Variants in NSD1 observed in about 807,000 individuals in gnomAD.
NSD1 encodes nuclear receptor binding SET domain protein 1, also known as histone-lysine N-methyltransferase, H3 lysine-36 specific.
A neutral mutation model predicts 242.7 loss-of-function variants in NSD1; 26 were observed. The observed-to-expected ratio is 0.11, with a 90% CI of 0.08 to 0.15. The LOEUF (loss-of-function observed/expected upper bound fraction) is 0.15, where lower values mean the gene tolerates loss of function less well. NSD1 is among the 10% of genes least tolerant of loss of function. The pLI is 1.00. For missense variants in NSD1, 2,495 were observed against 3,272.8 expected, an observed-to-expected ratio of 0.76 and a Z score of 5.80; for synonymous variants, 1,106 against 1,178.1, an observed-to-expected ratio of 0.94 and a Z score of 1.25.
At chr5:177,213,492 G>A (rs1336734008) in intron 5 of NSD1, among the ~76,000 whole-genome samples, 1 of 152,228 alleles carries the variant, frequency 6.6e-6, no homozygotes. Flanking sequence ...TCTTGAGACG[G>A]AGTCTCGCTC....
chr5:177,208,604 T>C (rs1334209865), intron 4 of NSD1, among the ~76,000 whole-genome samples: 2 of 151,642 alleles, frequency 1.3e-5, no homozygotes, highest in Non-Finnish European at 2.9e-5. Flanking sequence ...CTCAGCTCAC[T>C]GGAGCCTCCA....
At chr5:177,220,563 CTTTTTTTT>C (rs869220346) in intron 5 of NSD1, among the ~76,000 whole-genome samples, 11 of 84,354 alleles carry the variant, frequency 1.3e-4, no homozygotes, top group African/African-American at 2.8e-4. Context: ...ATAGTAATTG[CTTTTTTTT>C]TTTTTTTTTT....
At position 177,134,972 on chromosome 5, in the gene NSD1, T is replaced by C. The variant is rs936491167; in HGVS notation, c.-17-115T>C. 1.1e-6 allele frequency: 1 copy of C among 892,636 alleles called. No individual in the cohort carries two copies. The allele number at this position is 892,636 out of a possible 1,614,324, so 55.3% of individuals were successfully genotyped here. A position where few individuals can be genotyped will look rare whatever the true frequency, so the allele number is the denominator to read the frequency against. On this transcript the variant is annotated intron_variant, in intron 1 of 22. Transcript: ENST00000439151. The surrounding 1 kb of genome is among the most constrained non-coding windows in gnomAD (Gnocchi z 4.2). ...CAGTCGGGGGAACTTTTTCTGCCCA[T>C]GGAAGTGCAGCAGAAAGGCATAGAG...
intron 2 of NSD1, among the ~76,000 whole-genome samples, chr5:177,162,249 G>C (rs1278036476): frequency 6.6e-6 from 1 of 151,302 alleles, no homozygotes; most frequent in East Asian, 1.9e-4. Context: ...AGTGAGCTGA[G>C]ATCAGGACAC....
intron 5 of NSD1, among the ~76,000 whole-genome samples, chr5:177,216,434 G>A (rs759526464): frequency 1.1e-4 from 17 of 151,614 alleles, no homozygotes; most frequent in South Asian, 6.2e-4. Context: ...AAGTTTTTTC[G>A]TCTGTTTTCT....
intron 14 of NSD1, chr5:177,265,526 G>T: frequency 1.3e-6 from 1 of 767,316 alleles, no homozygotes; most frequent in Non-Finnish European, 2.2e-6. Context: ...AACCGTCTAG[G>T]AATGCTCAGC....
rs1015515697 is a variant in NSD1 at position 177,134,758 on chromosome 5, G to A, written c.-17-329G>A. Among the ~76,000 whole-genome samples the A allele has an allele frequency of 6.6e-6, 1 of 152,236 alleles. No individual in the cohort carries two copies. Among genetic ancestry groups the A allele is most frequent in the Non-Finnish European group, 1.5e-5 (1 of 68,046 alleles). ...CAGCTGCTCGACCCCTGGCGAGGGA[G>A]GGGGAGGACTAGTCCTGTTTGAGAA... On this transcript the variant is annotated intron_variant, in intron 1 of 22. Transcript: ENST00000439151. The surrounding 1 kb of genome is among the most constrained non-coding windows in gnomAD (Gnocchi z 4.2).
intron 5 of NSD1, among the ~76,000 whole-genome samples, chr5:177,213,677 A>G (rs1763540004): frequency 6.6e-6 from 1 of 152,006 alleles, no homozygotes; most frequent in Non-Finnish European, 1.5e-5. Context: ...TCACTGTGTT[A>G]GCCAGGATGG....
chr5:177,235,543 C>G (rs1765376465), intron 5 of NSD1, among the ~76,000 whole-genome samples: 1 of 152,094 alleles, frequency 6.6e-6, no homozygotes, highest in East Asian at 1.9e-4. Flanking sequence ...GACTATAAGA[C>G]CTGGCTTTAA....
chr5:177,253,724 C>T (rs1238013610), intron 12 of NSD1, among the ~76,000 whole-genome samples: 1 of 152,106 alleles, frequency 6.6e-6, no homozygotes, highest in Non-Finnish European at 1.5e-5. Context: ...CCTCAACCTC[C>T]CAGGCTCAAG....
chr5:177,221,570 A>G (rs769153813), intron 5 of NSD1, among the ~76,000 whole-genome samples: 7 of 147,526 alleles, frequency 4.7e-5, no homozygotes, highest in Middle Eastern at 4.2e-3. Context: ...GGTTCAAGCA[A>G]TTCTCCTGCT....
chr5:177,158,975 TAC>T (rs1468000774), intron 2 of NSD1, among the ~76,000 whole-genome samples: 11 of 141,094 alleles, frequency 7.8e-5, no homozygotes, highest in South Asian at 6.4e-4. Context: ...CACACATATA[TAC>T]ACACATATAT....
Position 177,294,067 on chromosome 5 carries a change from C to T in NSD1, c.6699C>T (p.Ser2233=), listed in dbSNP as rs773449456. Residue 2233 remains serine, a synonymous_variant, in exon 23 of 23, where the codon AGC becomes AGT. Coordinates refer to ENST00000439151, the MANE Select transcript of NSD1 (RefSeq NM_022455.5). ...PPPVPLPPGP[S]THLAEQSTGM... is the part of the protein sequence containing the mutation. ...CAGTACCGCTGCCTCCAGGGCCAAG[C>T]ACTCACCTGGCAGAGCAATCAACAG... 18 of 1,613,954 alleles carry T rather than the reference C, an allele frequency of 1.1e-5. No individual in the cohort carries two copies. The highest frequency in any genetic ancestry group is 3.3e-4 in the Middle Eastern group (2 of 6,084).
chr5:177,251,708 G>C, intron 11 of NSD1, 22 bp from the exon 12 acceptor site: 1 of 1,613,342 alleles, frequency 6.2e-7, no homozygotes, highest in South Asian at 1.1e-5. Flanking sequence ...AAAACAGATA[G>C]ATGTTTTCTT....
intron 8 of NSD1, among the ~76,000 whole-genome samples, chr5:177,242,428 A>G (rs929454474): frequency 3.9e-5 from 6 of 152,126 alleles, no homozygotes; most frequent in Non-Finnish European, 7.3e-5. Context: ...TATTAATATG[A>G]TAAAATGAGC....
intron 4 of NSD1, among the ~76,000 whole-genome samples, chr5:177,205,920 C>T (rs1425931564): frequency 6.6e-6 from 1 of 152,074 alleles, no homozygotes; most frequent in African/African-American, 2.4e-5. Context: ...ACCTCCCAGG[C>T]TCGAGCCATT....
In NSD1 at chr5:177,209,544, A is replaced by AG. The variant is rs11322143; in HGVS notation, c.1237-90dup. On this transcript the variant is annotated intron_variant, in intron 4 of 22. Transcript: ENST00000439151. ...ACTCTGTCTCAAAAAAAAAAAAAAA[A>AG]GGAATAAAAAAAAAAGCTTCTGATT... 217 of 834,792 alleles carry AG rather than the reference A, an allele frequency of 2.6e-4. 1 individual carries two copies. Among genetic ancestry groups the AG allele is most frequent in the Non-Finnish European group, 2.0e-5 (11 of 556,002 alleles). The allele number at this position is 834,792 out of a possible 1,614,324, so 51.7% of individuals were successfully genotyped here.
At chr5:177,143,343 A>G (rs1485666873) in intron 2 of NSD1, among the ~76,000 whole-genome samples, 2 of 150,388 alleles carry the variant, frequency 1.3e-5, no homozygotes, top group African/African-American at 4.9e-5. Context: ...TTTTTTTGAG[A>G]TGGAGTCTTG....
At chr5:177,148,452 T>G (rs1048322908) in intron 2 of NSD1, among the ~76,000 whole-genome samples, 1 of 151,390 alleles carries the variant, frequency 6.6e-6, no homozygotes, top group Non-Finnish European at 1.5e-5. Context: ...TTTGAGACAA[T>G]CTCTCTCTGT....
Sources: gnomAD v4.1 joint callset for allele counts (sites outside exome capture counted in the v4.1 genomes callset) on GRCh38, gnomAD v4.1.1 for gene constraint, Gnocchi (gnomAD v3.1) non-coding constraint, MANE v1.5 for transcripts, NCBI Gene and HGNC (gene_info 2026-07-23, HGNC 2026-07-21) for gene names.